Variants in VEGFA observed in about 807,000 individuals in gnomAD.
The protein encoded by VEGFA is vascular endothelial growth factor A.
In VEGFA, 20 loss-of-function variants were observed where a neutral mutation model predicts 49.7. The observed-to-expected ratio is 0.40, with a 90% CI of 0.28 to 0.58. VEGFA has a LOEUF of 0.58. VEGFA is among the 20% of genes least tolerant of loss of function. The pLI is 0.40. For missense variants in VEGFA, 505 were observed against 553.5 expected, an observed-to-expected ratio of 0.91 and a Z score of 0.88; for synonymous variants, 219 against 223.4, an observed-to-expected ratio of 0.98 and a Z score of 0.18.
intron 7 of VEGFA, chr6:43,783,681 G>A (rs1768678932): frequency 6.6e-6 from 1 of 152,288 alleles, no homozygotes; most frequent in South Asian, 2.1e-4. Context: ...TTCCAAAATT[G>A]GAGGCTTAGG....
Position 43,784,574 on chromosome 6 carries a change from G to A in VEGFA, c.*12G>A, listed in dbSNP as rs1410335572. ...AGCCGAGGCGGTGAGCCGGGCAGGAGGAAGGAGCCTCCCTCAGGGTTTCGG... is the reference window on the plus strand; with the variant it reads ...AGCCGAGGCGGTGAGCCGGGCAGGAAGAAGGAGCCTCCCTCAGGGTTTCGG... On this transcript the variant is annotated 3_prime_UTR_variant, in exon 8 of 8. Transcript: ENST00000672860. The A allele has an allele frequency of 4.3e-6, 7 of 1,614,208 alleles. No individual in the cohort carries two copies. Among genetic ancestry groups the A allele is most frequent in the Non-Finnish European group, 5.1e-6 (6 of 1,180,028 alleles).
Position 43,771,150 on chromosome 6 carries a change from A to AG in VEGFA, c.445dup (p.Val149GlyfsTer99). On this transcript the variant is annotated frameshift_variant, in exon 1 of 8. Coordinates refer to ENST00000672860, the MANE Select transcript of VEGFA (RefSeq NM_003376.6). LOFTEE classifies it high-confidence loss of function. ...CCCGGGCCTCGGGCCGGGGAGGAAG[A>AG]GTAGCTCGCCGAGGCGCCGAGGAGA... The AG allele has an allele frequency of 6.5e-7, 1 of 1,535,792 alleles. No individual in the cohort carries two copies. Among genetic ancestry groups the AG allele is most frequent in the Non-Finnish European group, 8.7e-7 (1 of 1,145,296 alleles).
chr6:43,780,658 T>G, intron 5 of VEGFA, 74 bp from the exon 6 acceptor site: 4 of 1,409,590 alleles, frequency 2.8e-6, no homozygotes, highest in Non-Finnish European at 3.9e-6. Flanking sequence ...CCCCCATCCC[T>G]GCCCACCTTA....
intron 4 of VEGFA, 49 bp downstream of exon 4, chr6:43,778,585 C>G (rs909497347): frequency 1.9e-6 from 3 of 1,567,808 alleles, no homozygotes; most frequent in African/African-American, 2.7e-5. Context: ...TGCAGGGTGC[C>G]TGATCTGTGC....
chr6:43,781,697 C>A, intron 6 of VEGFA: 1 of 455,268 alleles, frequency 2.2e-6, no homozygotes, highest in South Asian at 2.0e-5. Context: ...ACAGCATTGC[C>A]CCTTATGGCA....
At chr6:43,782,119 G>A (rs748938305) in intron 7 of VEGFA, 32 bp downstream of exon 7, 27 of 1,611,598 alleles carry the variant, frequency 1.7e-5, no homozygotes, top group Non-Finnish European at 1.7e-5. Flanking sequence ...AAGTCAGAGA[G>A]GGGCATCACA....
rs1763300886 is a variant in VEGFA at position 43,770,813 on chromosome 6, C to G, written c.107C>G (p.Pro36Arg). 1 of 1,512,656 alleles carries G rather than the reference C, an allele frequency of 6.6e-7. No homozygotes were observed. Among genetic ancestry groups the G allele is most frequent in the African/African-American group, 1.5e-5 (1 of 68,858 alleles). The allele number at this position is 1,512,656 out of a possible 1,614,324, so 93.7% of individuals were successfully genotyped here. The change falls in exon 1 of 8, where the codon CCC becomes CGC. Residue 36 changes from proline (P) to arginine (R), a missense_variant. Pro to Arg is a moderately radical substitution (Grantham distance 103). Around this residue, in one of 2 missense-constraint regions of VEGFA, gnomAD observed 340 missense variants for 321.8 expected, o/e 1.06. Coordinates refer to ENST00000672860, the MANE Select transcript of VEGFA (RefSeq NM_003376.6). ...GCGAGCCGCGGGCAGGGGCCGGAGC[C>G]CGCGCCCGGAGGCGGGGTGGAGGGG...
At position 43,786,145 on chromosome 6, in the gene VEGFA, A is replaced by G. The variant is rs147035281; in HGVS notation, c.*1583A>G. The G allele has an allele frequency of 1.3e-3, 196 of 155,394 alleles. No homozygotes were observed. The highest frequency in any genetic ancestry group is 3.9e-3 in the East Asian group (25 of 6,396). 9.6% of individuals were successfully genotyped at this position (155,394 alleles called of 1,614,324 possible). A position where few individuals can be genotyped will look rare whatever the true frequency, so the allele number is the denominator to read the frequency against. ...TATTTGGCAACTTGTATTTGTGTGTATATATATATATATATGTTTATGTAT... is the reference window on the plus strand; with the variant it reads ...TATTTGGCAACTTGTATTTGTGTGTGTATATATATATATATGTTTATGTAT... On this transcript the variant is annotated 3_prime_UTR_variant, in exon 8 of 8. Transcript: ENST00000672860.
chr6:43,770,759 C>A lies in VEGFA; in HGVS notation c.53C>A (p.Pro18His). 1.3e-6 allele frequency: 2 copies of A among 1,496,144 alleles called. No individual in the cohort carries two copies. Among genetic ancestry groups the A allele is most frequent in the African/African-American group, 1.5e-5 (1 of 68,656 alleles). The allele number at this position is 1,496,144 out of a possible 1,614,324, so 92.7% of individuals were successfully genotyped here. Residue 18 changes from proline (P) to histidine (H), a missense_variant, in exon 1 of 8, where the codon CCC (proline) becomes CAC (histidine). Transcript: ENST00000672860. ...CCCAGCCCCAGCTACCACCTCCTCC[C>A]CGGCCGGCGGCGGACAGTGGACGCG...
chr6:43,781,869 C>T, intron 6 of VEGFA, 87 bp from the exon 7 acceptor site: 2 of 1,557,354 alleles, frequency 1.3e-6, no homozygotes, highest in African/African-American at 1.4e-5. Context: ...CAGCTGCGGA[C>T]ATGTTAGGGG....
chr6:43,776,978 C>T (rs1765629303), intron 2 of VEGFA: 1 of 307,186 alleles, frequency 3.3e-6, no homozygotes, highest in South Asian at 3.0e-5. Context: ...GACTACTGTA[C>T]ACAGTACTCA....
Position 43,771,142 on chromosome 6 carries a change from G to A in VEGFA, c.436G>A (p.Gly146Arg), listed in dbSNP as rs1381953838. Residue 146 changes from glycine to arginine, a missense_variant, in exon 1 of 8, where the codon GGA becomes AGA. Physicochemically the swap from Gly to Arg is moderately radical, Grantham distance 125 (BLOSUM62 -2). This residue lies in a region of VEGFA where 340 missense variants were observed against 321.8 expected (regional missense o/e 1.06). Transcript: ENST00000672860. The stretch of plus-strand genomic sequence containing the variant: ...GGCCCTGGCCCGGGCCTCGGGCCGG[G>A]GAGGAAGAGTAGCTCGCCGAGGCGC... The A allele has an allele frequency of 6.6e-7, 1 of 1,526,028 alleles. No homozygotes were observed. The highest frequency in any genetic ancestry group is 2.0e-4 in the Middle Eastern group (1 of 4,996). The allele number at this position is 1,526,028 out of a possible 1,614,324, so 94.5% of individuals were successfully genotyped here. A position where few individuals can be genotyped will look rare whatever the true frequency, so the allele number is the denominator to read the frequency against.
chr6:43,772,516 G>T (rs1763962251), intron 1 of VEGFA, among the ~76,000 whole-genome samples: 1 of 152,186 alleles, frequency 6.6e-6, no homozygotes, highest in Non-Finnish European at 1.5e-5. Flanking sequence ...TTGGAGAAAT[G>T]GCTTGAAATT....
intron 7 of VEGFA, chr6:43,782,401 T>G: frequency 2.5e-6 from 1 of 401,770 alleles, no homozygotes; most frequent in Non-Finnish European, 4.8e-6. Context: ...GTCCTTCTGC[T>G]CATAGTGGCT....
chr6:43,780,192 G>T (rs959214638), intron 5 of VEGFA: 7 of 217,852 alleles, frequency 3.2e-5, no homozygotes, highest in African/African-American at 1.6e-4. Context: ...CCCACACCGG[G>T]ATTCCCAGAG....
At chr6:43,771,803 C>T (rs1392872517) in intron 1 of VEGFA, among the ~76,000 whole-genome samples, 1 of 152,216 alleles carries the variant, frequency 6.6e-6, no homozygotes, top group Admixed American at 6.5e-5. Context: ...GTCACTGCCA[C>T]TCGGTCTCTT....
chr6:43,771,437 G>A, intron 1 of VEGFA, 125 bp downstream of exon 1: 1 of 1,008,844 alleles, frequency 9.9e-7, no homozygotes, highest in Non-Finnish European at 1.4e-6. Context: ...CCAGGCGTGC[G>A]GCGTCCCCCT....
chr6:43,771,402 C>G, intron 1 of VEGFA, 90 bp downstream of exon 1: 1 of 1,313,010 alleles, frequency 7.6e-7, no homozygotes, highest in Non-Finnish European at 1.0e-6. Flanking sequence ...GTGGGGGCTC[C>G]GTGCCCCACG....
intron 5 of VEGFA, chr6:43,779,392 G>C (rs768593466): frequency 2.7e-5 from 9 of 336,474 alleles, no homozygotes; most frequent in Middle Eastern, 9.6e-4. Context: ...TCCTGTAGGC[G>C]GCAGGCGGCA....
Sources: gnomAD v4.1 joint callset for allele counts (sites outside exome capture counted in the v4.1 genomes callset) on GRCh38, gnomAD v4.1.1 for gene constraint, gnomAD v4.1.1 regional missense constraint, MANE v1.5 for transcripts, NCBI Gene and HGNC (gene_info 2026-07-23, HGNC 2026-07-21) for gene names.